Variants in CNBD1 observed in about 807,000 individuals in gnomAD.
CNBD1 encodes the protein cyclic nucleotide-binding domain-containing protein 1.
Under a neutral mutation model 54.4 loss-of-function variants are expected in CNBD1, and 71 were observed. The observed-to-expected ratio is 1.30, with a 90% CI of 1.08 to 1.59. The LOEUF is 1.59. Among genes scored for constraint, CNBD1 ranks in the 40% most tolerant of loss-of-function variants. The pLI, the probability that CNBD1 is intolerant of heterozygous loss-of-function variation, is 0.00. For missense variants in CNBD1, 659 were observed against 518.0 expected (o/e 1.27, Z -2.64); for synonymous variants, 182 against 170.7 (o/e 1.07, Z -0.51).
chr8:86,986,689 A>G (rs550307734), intron 4 of CNBD1, among the ~76,000 whole-genome samples: 6 of 152,244 alleles, frequency 3.9e-5, no homozygotes, highest in African/African-American at 1.4e-4. Flanking sequence ...TTATTTTTGT[A>G]TATGATGATT....
At chr8:87,374,750 G>A (rs531883863) in intron 10 of CNBD1, among the ~76,000 whole-genome samples, 2 of 151,758 alleles carry the variant, frequency 1.3e-5, no homozygotes, top group Non-Finnish European at 1.5e-5. Context: ...CTCCAAAATA[G>A]CAGCATCACG....
chr8:87,200,139 G>T (rs1308276349), intron 4 of CNBD1, among the ~76,000 whole-genome samples: 1 of 152,100 alleles, frequency 6.6e-6, no homozygotes, highest in Non-Finnish European at 1.5e-5. Context: ...CCAGCACAAA[G>T]ATAATGGGAA....
intron 4 of CNBD1, among the ~76,000 whole-genome samples, chr8:87,010,407 T>C (rs922611338): frequency 1.1e-4 from 17 of 152,202 alleles, no homozygotes; most frequent in African/African-American, 4.8e-5. Flanking sequence ...GTTCTTTTTT[T>C]CTGTGCTTGT....
chr8:87,299,079 T>A (rs1022083921), intron 8 of CNBD1, among the ~76,000 whole-genome samples: 1 of 151,960 alleles, frequency 6.6e-6, no homozygotes, highest in African/African-American at 2.4e-5. Context: ...CTTCAAGAGG[T>A]TTTCTAGTGT....
intron 8 of CNBD1, among the ~76,000 whole-genome samples, chr8:87,319,125 A>G (rs1242073329): frequency 2.0e-5 from 3 of 152,112 alleles, no homozygotes; most frequent in African/African-American, 7.2e-5. Context: ...GTGGCCCCTC[A>G]ATGCTGAGAG....
At chr8:87,419,598 G>A (rs1267284578) in intron 2 of CNBD1, among the ~76,000 whole-genome samples, 2 of 151,834 alleles carry the variant, frequency 1.3e-5, no homozygotes, top group Non-Finnish European at 2.9e-5. Flanking sequence ...CAACAGTGGA[G>A]ATCATCAGCA....
At chr8:87,304,854 G>A (rs1392878437) in intron 8 of CNBD1, among the ~76,000 whole-genome samples, 1 of 152,044 alleles carries the variant, frequency 6.6e-6, no homozygotes, top group Non-Finnish European at 1.5e-5. Flanking sequence ...ACTGGAACAA[G>A]AGAAGGATGC....
At chr8:87,328,047 C>T (rs962201776) in intron 8 of CNBD1, among the ~76,000 whole-genome samples, 3 of 151,706 alleles carry the variant, frequency 2.0e-5, no homozygotes, top group Admixed American at 6.6e-5. Context: ...TATATATATA[C>T]CATGGTGGTT....
chr8:87,143,829 T>C (rs1812425139), intron 4 of CNBD1, among the ~76,000 whole-genome samples: 1 of 152,134 alleles, frequency 6.6e-6, no homozygotes, highest in South Asian at 2.1e-4. Flanking sequence ...ATAAAATCTT[T>C]TATATGTAAT....
At chr8:87,135,066 T>C (rs1430801716) in intron 4 of CNBD1, among the ~76,000 whole-genome samples, 1 of 152,158 alleles carries the variant, frequency 6.6e-6, no homozygotes, top group Non-Finnish European at 1.5e-5. Flanking sequence ...TTGATGTTTA[T>C]TCCAGTACGT....
intron 4 of CNBD1, among the ~76,000 whole-genome samples, chr8:87,006,895 G>A (rs1563855705): frequency 6.6e-6 from 1 of 152,118 alleles, no homozygotes; most frequent in Non-Finnish European, 1.5e-5. Flanking sequence ...ATTGAACATT[G>A]TACAATAAAA....
chr8:87,381,296 A>G (rs1811067466), intron 10 of CNBD1, among the ~76,000 whole-genome samples: 1 of 151,936 alleles, frequency 6.6e-6, no homozygotes, highest in South Asian at 2.1e-4. Context: ...GTCCAATGCC[A>G]CTAACAGGAA....
chr8:87,180,213 T>G lies in CNBD1; in HGVS notation c.432-25780T>G, dbSNP rs150288295. 7.9e-5 allele frequency among the ~76,000 whole-genome samples: 12 copies of G among 152,292 alleles called. No homozygotes were observed. In the East Asian group the frequency reaches 1.5e-3, roughly 20 times the overall value. The stretch of plus-strand genomic sequence containing the variant: ...TTCCTGCAAATATTAGAAAAGTTAG[T>G]GTGGAGAAAAACTGAAACTATTCAT... On this transcript the variant is annotated intron_variant, in intron 4 of 10. Coordinates refer to ENST00000518476, the MANE Select transcript of CNBD1 (RefSeq NM_173538.3).
Position 86,984,666 on chromosome 8 carries a change from G to T in CNBD1, c.431+44912G>T, listed in dbSNP as rs555960295. ...CATTTTAAAGCTTTAGGATTTGACT[G>T]CCCCACTGGACTTTGGACTTGCATG... On this transcript the variant is annotated intron_variant, in intron 4 of 10. Transcript: ENST00000518476. Among the ~76,000 whole-genome samples, 7 of 152,256 alleles carry T rather than the reference G, an allele frequency of 4.6e-5. No individual in the cohort carries two copies. The East Asian group carries it at 1.2e-3, about 25-fold the overall frequency.
chr8:86,943,013 A>G (rs2130431949), intron 4 of CNBD1, among the ~76,000 whole-genome samples: 1 of 152,130 alleles, frequency 6.6e-6, no homozygotes, highest in East Asian at 1.9e-4. Flanking sequence ...GTTACCTTCT[A>G]TACTTTAAAA....
At chr8:87,379,400 C>G (rs1811025885) in intron 10 of CNBD1, among the ~76,000 whole-genome samples, 1 of 151,896 alleles carries the variant, frequency 6.6e-6, no homozygotes, top group Non-Finnish European at 1.5e-5. Flanking sequence ...ATCTACAGAA[C>G]TCTCCACCCC....
intron 6 of CNBD1, among the ~76,000 whole-genome samples, chr8:87,282,673 T>C (rs1808620875): frequency 6.6e-6 from 1 of 152,040 alleles, no homozygotes; most frequent in South Asian, 2.1e-4. Context: ...GGGAGTCTGA[T>C]GATATTTTTT....
Position 87,047,898 on chromosome 8 carries a change from G to T in CNBD1, c.431+108144G>T, listed in dbSNP as rs539263867. The stretch of plus-strand genomic sequence containing the variant: ...AACTGAAAGAATCTGGTAGGGTAAA[G>T]GTGGGATTGAGTTAGATGGGTAGTC... On this transcript the variant is annotated intron_variant, in intron 4 of 10. Transcript: ENST00000518476. Among the ~76,000 whole-genome samples, 5 of 152,316 alleles carry T rather than the reference G, an allele frequency of 3.3e-5. No homozygotes were observed. The South Asian group carries it at 8.3e-4, about 25-fold the overall frequency.
At chr8:86,943,365 C>CA (rs1158061860) in intron 4 of CNBD1, among the ~76,000 whole-genome samples, 3,756 of 32,106 alleles carry the variant, frequency 0.12, 402 homozygotes, top group African/African-American at 0.17. Context: ...GACTCCATCT[C>CA]AAAAAAAAAA....
Sources: allele counts gnomAD v4.1 joint callset (sites outside exome capture counted in the v4.1 genomes callset), GRCh38; gene constraint gnomAD v4.1.1; transcripts MANE v1.5; gene names NCBI Gene and HGNC (gene_info 2026-07-23, HGNC 2026-07-21).